Variants in GABBR2 observed in about 807,000 individuals in gnomAD.
The protein encoded by GABBR2 is G-protein coupled receptor 51.
A neutral mutation model predicts 105.6 loss-of-function variants in GABBR2; 23 were observed. The observed-to-expected ratio is 0.22, with a 90% CI of 0.16 to 0.31. GABBR2 has a LOEUF of 0.31. GABBR2 is among the 10% of genes least tolerant of loss of function. GABBR2 has a pLI of 1.00. For missense variants in GABBR2, 734 were observed against 1,245.5 expected (o/e 0.59, Z 6.18); for synonymous variants, 478 against 499.7 (o/e 0.96, Z 0.58).
chr9:98,620,014 C>A (rs981405767), intron 1 of GABBR2, among the ~76,000 whole-genome samples: 1 of 152,164 alleles, frequency 6.6e-6, no homozygotes, highest in Non-Finnish European at 1.5e-5. Context: ...GGACTTAACA[C>A]CTGTCTTACA....
chr9:98,499,417 G>A (rs184305779), intron 3 of GABBR2, among the ~76,000 whole-genome samples: 6 of 152,124 alleles, frequency 3.9e-5, no homozygotes, highest in African/African-American at 7.2e-5. Flanking sequence ...GGACAGTTTC[G>A]GAGGCCCGAT....
rs371872496 is a variant in GABBR2 at position 98,598,689 on chromosome 9, C to A, written c.322-20617G>T. Among the ~76,000 whole-genome samples the A allele has an allele frequency of 4.3e-4, 66 of 152,232 alleles. 2 individuals carry two copies. The South Asian group carries it at 0.014, about 32-fold the overall frequency. On this transcript the variant is annotated intron_variant, in intron 1 of 18. Coordinates refer to ENST00000259455, the MANE Select transcript of GABBR2 (RefSeq NM_005458.8). The stretch of plus-strand genomic sequence containing the variant: ...TTCAGCTGTCACAGCAGCACCCAAC[C>A]AGGGGTGCGCACACAGCAGATCAAG...
chr9:98,346,635 T>TATTC (rs1329753544), intron 13 of GABBR2, among the ~76,000 whole-genome samples: 1 of 152,194 alleles, frequency 6.6e-6, no homozygotes, highest in African/African-American at 2.4e-5. Flanking sequence ...TAGTTAACCG[T>TATTC]ATTCATCCTG....
At chr9:98,537,911 C>T (rs1163041863) in intron 3 of GABBR2, among the ~76,000 whole-genome samples, 3 of 152,192 alleles carry the variant, frequency 2.0e-5, no homozygotes, top group Non-Finnish European at 2.9e-5. Flanking sequence ...GTGATTCTAG[C>T]GAGCAGCCAG....
At chr9:98,342,657 T>A (rs867658174) in intron 13 of GABBR2, among the ~76,000 whole-genome samples, 42 of 152,266 alleles carry the variant, frequency 2.8e-4, no homozygotes, top group Middle Eastern at 6.8e-3. Flanking sequence ...CAGGGCACCA[T>A]GGATAACTAT....
chr9:98,299,176 G>A (rs1404580752), intron 17 of GABBR2, 48 bp downstream of exon 17: 2 of 1,546,088 alleles, frequency 1.3e-6, no homozygotes, highest in South Asian at 2.2e-5. Context: ...AACAGCTGGT[G>A]TTTGAAACCA....
intron 1 of GABBR2, among the ~76,000 whole-genome samples, chr9:98,670,869 C>G (rs766443033): frequency 6.6e-5 from 10 of 152,078 alleles, no homozygotes; most frequent in Non-Finnish European, 1.2e-4. Flanking sequence ...ATACAGAGTT[C>G]AGTTTTACAA....
intron 1 of GABBR2, among the ~76,000 whole-genome samples, chr9:98,578,763 G>A (rs1828957457): frequency 6.6e-6 from 1 of 152,160 alleles, no homozygotes; most frequent in Non-Finnish European, 1.5e-5. Context: ...CCATGCAGTG[G>A]AATATTTCCA....
chr9:98,498,827 C>T lies in GABBR2; in HGVS notation c.631-2313G>A, dbSNP rs11792052. Among the ~76,000 whole-genome samples, 752 of 152,314 alleles carry T rather than the reference C, an allele frequency of 4.9e-3. 2 individuals are homozygous for T. The highest frequency in any genetic ancestry group is 8.6e-3 in the Admixed American group (131 of 15,304). ...CTGCTGTCTCAAATCCTTCTGGATA[C>T]AGGTGGGCCCCATGATGAGTTTTGA... is the stretch of plus-strand genomic sequence containing the variant. On this transcript the variant is annotated intron_variant, in intron 3 of 18. Coordinates refer to ENST00000259455, the MANE Select transcript of GABBR2 (RefSeq NM_005458.8).
chr9:98,506,229 G>T (rs1827507298), intron 3 of GABBR2, among the ~76,000 whole-genome samples: 1 of 152,140 alleles, frequency 6.6e-6, no homozygotes. Flanking sequence ...CACTGACTTT[G>T]AGTTGACTTG....
chr9:98,678,677 C>T (rs1034065372), intron 1 of GABBR2, among the ~76,000 whole-genome samples: 3 of 152,152 alleles, frequency 2.0e-5, no homozygotes, highest in Admixed American at 6.5e-5. Context: ...AGGTGAAGCT[C>T]CCCAGCCATC....
chr9:98,506,164 TGGGACA>T (rs920453321), intron 3 of GABBR2, among the ~76,000 whole-genome samples: 10 of 152,232 alleles, frequency 6.6e-5, no homozygotes, highest in Admixed American at 6.5e-4. Context: ...TGTGGGTGCC[TGGGACA>T]GGGGCGCTGG....
At position 98,608,318 on chromosome 9, in the gene GABBR2, G is replaced by A. The variant is rs148193640; in HGVS notation, c.322-30246C>T. 3.1e-3 allele frequency among the ~76,000 whole-genome samples: 468 copies of A among 152,186 alleles called. 5 individuals carry two copies. The highest frequency in any genetic ancestry group is 0.011 in the African/African-American group (442 of 41,526). ...ATTAAGATGCCGTCAATTGTCTAGG[G>A]TGTTGTGTACTTAGAAAGTAACAGC... On this transcript the variant is annotated intron_variant, in intron 1 of 18. Transcript: ENST00000259455.
At chr9:98,586,471 C>T (rs10120605) in intron 1 of GABBR2, among the ~76,000 whole-genome samples, 6,736 of 152,022 alleles carry the variant, frequency 0.044, 210 homozygotes, top group South Asian at 0.12. Context: ...AGCTAACTTT[C>T]GTATTTTTAG....
At chr9:98,555,214 C>T (rs1828563895) in intron 2 of GABBR2, among the ~76,000 whole-genome samples, 1 of 152,190 alleles carries the variant, frequency 6.6e-6, no homozygotes, top group Admixed American at 6.5e-5. Flanking sequence ...AAAGCCCTTT[C>T]CTGCAATATT....
chr9:98,352,679 G>T (rs776218223), intron 13 of GABBR2, among the ~76,000 whole-genome samples: 4 of 152,092 alleles, frequency 2.6e-5, no homozygotes, highest in African/African-American at 4.8e-5. Flanking sequence ...GGAGGGGGAG[G>T]GGTTATCGGC....
At chr9:98,464,989 G>T (rs565649269) in intron 6 of GABBR2, among the ~76,000 whole-genome samples, 11 of 152,148 alleles carry the variant, frequency 7.2e-5, no homozygotes, top group Admixed American at 3.9e-4. Context: ...GCCGAAGGCC[G>T]CAGGGACCTC....
At chr9:98,361,183 T>A (rs1415751719) in intron 13 of GABBR2, among the ~76,000 whole-genome samples, 2 of 152,012 alleles carry the variant, frequency 1.3e-5, no homozygotes, top group Non-Finnish European at 2.9e-5. Context: ...AAAGGCAGGG[T>A]TAGGCAGTAG....
At chr9:98,424,432 T>G (rs1180749487) in intron 7 of GABBR2, among the ~76,000 whole-genome samples, 1 of 152,042 alleles carries the variant, frequency 6.6e-6, no homozygotes, top group Non-Finnish European at 1.5e-5. Context: ...AAGACAGGGA[T>G]GCCCTCTCTC....
Sources: gnomAD v4.1 joint callset for allele counts (sites outside exome capture counted in the v4.1 genomes callset) on GRCh38, gnomAD v4.1.1 for gene constraint, MANE v1.5 for transcripts, NCBI Gene and HGNC (gene_info 2026-07-23, HGNC 2026-07-21) for gene names.